The following CLVS1 variants were observed in gnomAD, a reference collection of about 807,000 sequenced individuals.
CLVS1 encodes the protein clavesin-1.
Under a neutral mutation model 33.1 loss-of-function variants are expected in CLVS1, and 10 were observed. That is an observed-to-expected ratio of 0.30 (90% CI 0.19 to 0.51). The LOEUF is 0.51. CLVS1 is among the 20% of genes least tolerant of loss of function. The pLI is 0.97. For missense variants in CLVS1, 343 were observed against 433.4 expected (o/e 0.79, Z 1.85); for synonymous variants, 163 against 166.1 (o/e 0.98, Z 0.14).
intron 2 of CLVS1, among the ~76,000 whole-genome samples, chr8:61,243,218 T>A (rs1400827345): frequency 1.3e-5 from 2 of 152,220 alleles, no homozygotes; most frequent in Non-Finnish European, 2.9e-5. Flanking sequence ...CTTCTTTTTT[T>A]AAAAAAGTAT....
chr8:61,325,988 C>T (rs948671865), intron 2 of CLVS1, among the ~76,000 whole-genome samples: 1 of 152,196 alleles, frequency 6.6e-6, no homozygotes, highest in Non-Finnish European at 1.5e-5. Context: ...TCTACATTAT[C>T]TCAGAAAACA....
intron 1 of CLVS1, among the ~76,000 whole-genome samples, chr8:61,072,689 A>G (rs1432861529): frequency 1.3e-5 from 2 of 152,292 alleles, no homozygotes; most frequent in African/African-American, 2.4e-5. Flanking sequence ...TATAACACCA[A>G]TGGGGGTTTG....
At chr8:61,391,597 A>G (rs1179882736) in intron 3 of CLVS1, among the ~76,000 whole-genome samples, 1 of 152,226 alleles carries the variant, frequency 6.6e-6, no homozygotes, top group Non-Finnish European at 1.5e-5. Context: ...AATGGATAAT[A>G]TTAACAATGT....
chr8:61,027,761 C>A, the CLVS1 span, among the ~76,000 whole-genome samples: 1 of 152,232 alleles, frequency 6.6e-6, no homozygotes, highest in Non-Finnish European at 1.5e-5. Context: ...TAGAAGATGA[C>A]AAACATCTGC....
intron 1 of CLVS1, among the ~76,000 whole-genome samples, chr8:61,088,161 A>G (rs1376164913): frequency 6.6e-6 from 1 of 152,190 alleles, no homozygotes; most frequent in East Asian, 1.9e-4. Context: ...TTTGTTATCT[A>G]CTGCTGTATA....
intron 1 of CLVS1, among the ~76,000 whole-genome samples, chr8:61,109,108 G>A (rs1410638130): frequency 6.6e-6 from 1 of 152,108 alleles, no homozygotes; most frequent in Non-Finnish European, 1.5e-5. Flanking sequence ...GATTTGAGGG[G>A]TTCCATTTGG....
intron 2 of CLVS1, among the ~76,000 whole-genome samples, chr8:61,369,223 TACA>T (rs1204304564): frequency 6.6e-6 from 1 of 152,220 alleles, no homozygotes; most frequent in Non-Finnish European, 1.5e-5. Context: ...GTAAATTTAA[TACA>T]ACATTTTGCT....
At chr8:61,173,170 A>G (rs1467453179) in intron 2 of CLVS1, among the ~76,000 whole-genome samples, 1 of 152,180 alleles carries the variant, frequency 6.6e-6, no homozygotes, top group Admixed American at 6.5e-5. Context: ...ATATGCACAC[A>G]CACAAGTAGA....
rs564243340 is a variant in CLVS1 at position 61,169,644 on chromosome 8, G to A, written c.-152+37784G>A. 4.6e-5 allele frequency among the ~76,000 whole-genome samples: 7 copies of A among 152,240 alleles called. No individual in the cohort carries two copies. In the South Asian group the frequency reaches 1.0e-3, roughly 23 times the overall value. On this transcript the variant is annotated intron_variant, in intron 2 of 2. Coordinates refer to the CLVS1 transcript ENST00000522621. ...ACTCAGAAATATTTTGTCCCAGGCC[G>A]TTGTCTGTTATTTGGGCTCAGTTAA...
intron 2 of CLVS1, among the ~76,000 whole-genome samples, chr8:61,214,720 T>A (rs1808048709): frequency 6.6e-6 from 1 of 152,330 alleles, no homozygotes; most frequent in Non-Finnish European, 1.5e-5. Flanking sequence ...TCCGTCCAAC[T>A]TTTTGCACCT....
At chr8:61,075,872 A>G (rs1804901455) in intron 1 of CLVS1, among the ~76,000 whole-genome samples, 1 of 152,282 alleles carries the variant, frequency 6.6e-6, no homozygotes, top group South Asian at 2.1e-4. Flanking sequence ...TTCTTCCCTT[A>G]CATCTTCCAT....
chr8:61,212,498 C>T (rs760759843), intron 2 of CLVS1, among the ~76,000 whole-genome samples: 6 of 152,208 alleles, frequency 3.9e-5, no homozygotes, highest in Non-Finnish European at 7.4e-5. Flanking sequence ...GAGATCCTGA[C>T]GACACAGAGG....
At chr8:61,062,994 T>C in intron 1 of CLVS1, among the ~76,000 whole-genome samples, 1 of 152,214 alleles carries the variant, frequency 6.6e-6, no homozygotes, top group Non-Finnish European at 1.5e-5. Context: ...ATATGCATTA[T>C]GTCATTTATT....
At chr8:61,092,867 G>T (rs1805274198) in intron 1 of CLVS1, among the ~76,000 whole-genome samples, 1 of 152,102 alleles carries the variant, frequency 6.6e-6, no homozygotes, top group South Asian at 2.1e-4. Context: ...GAACATATTG[G>T]GAGGCCATTA....
At chr8:61,067,450 G>A (rs984266595) in intron 1 of CLVS1, among the ~76,000 whole-genome samples, 1 of 148,176 alleles carries the variant, frequency 6.7e-6, no homozygotes, top group Non-Finnish European at 1.5e-5. Context: ...TATATTATTA[G>A]TTGATATATT....
chr8:61,331,970 G>A (rs370151693), intron 2 of CLVS1, among the ~76,000 whole-genome samples: 26 of 152,214 alleles, frequency 1.7e-4, no homozygotes, highest in East Asian at 5.8e-4. Context: ...CTAAAATTCC[G>A]TGTGGAAGTT....
rs75360882 is a variant in CLVS1 at position 61,408,850 on chromosome 8, C to T, written c.630+32071C>T. Among the ~76,000 whole-genome samples, 1,009 of 152,260 alleles carry T rather than the reference C, an allele frequency of 6.6e-3. 7 individuals carry two copies. The highest frequency in any genetic ancestry group is 0.023 in the African/African-American group (969 of 41,542). On this transcript the variant is annotated intron_variant, in intron 3 of 5. Coordinates refer to ENST00000325897, the MANE Select transcript of CLVS1 (RefSeq NM_173519.3). Reference sequence around the variant, plus strand: ...GAACAGTGATCTATAGAGTAAAACACTCAGTGCATTAAGAAAAGTTGGCAT... The same window carrying T: ...GAACAGTGATCTATAGAGTAAAACATTCAGTGCATTAAGAAAAGTTGGCAT...
At chr8:61,333,452 A>G (rs975376243) in intron 2 of CLVS1, among the ~76,000 whole-genome samples, 5 of 152,218 alleles carry the variant, frequency 3.3e-5, no homozygotes, top group Admixed American at 1.3e-4. Context: ...AAAATAAAAC[A>G]GAAAGAAAAG....
chr8:61,432,768 G>C (rs1275726117), intron 3 of CLVS1, among the ~76,000 whole-genome samples: 3 of 152,204 alleles, frequency 2.0e-5, no homozygotes, highest in African/African-American at 7.2e-5. Flanking sequence ...AAACCGAAAA[G>C]TGACCGAGGC....
Sources: allele counts gnomAD v4.1 joint callset (sites outside exome capture counted in the v4.1 genomes callset), GRCh38; gene constraint gnomAD v4.1.1; transcripts MANE v1.5; gene names NCBI Gene and HGNC (gene_info 2026-07-23, HGNC 2026-07-21).